Variants in RBMS3 observed in about 807,000 individuals in gnomAD.
RBMS3 encodes RNA binding motif single stranded interacting protein 3, also known as RNA-binding motif, single-stranded-interacting protein 3.
Under a neutral mutation model 66.8 loss-of-function variants are expected in RBMS3, and 27 were observed. That is an observed-to-expected ratio of 0.40 (90% confidence interval 0.30 to 0.56). The LOEUF is 0.56. RBMS3 is among the 20% of genes least tolerant of loss of function. RBMS3 has a pLI of 0.40. For missense variants in RBMS3, 513 were observed against 549.5 expected (o/e 0.93, Z 0.66); for synonymous variants, 188 against 183.0 (o/e 1.03, Z -0.22).
At chr3:29,913,762 T>C (rs2060573413) in intron 10 of RBMS3, among the ~76,000 whole-genome samples, 1 of 151,946 alleles carries the variant, frequency 6.6e-6, no homozygotes, top group Non-Finnish European at 1.5e-5. Flanking sequence ...CAATGTTGTA[T>C]ATTAAAAATC....
At chr3:29,975,936 T>A (rs1157619253) in intron 12 of RBMS3, among the ~76,000 whole-genome samples, 1 of 152,048 alleles carries the variant, frequency 6.6e-6, no homozygotes, top group Non-Finnish European at 1.5e-5. Context: ...TTAAGAGGAC[T>A]GAGTCTTCTA....
chr3:29,973,306 A>T (rs1335687462), intron 12 of RBMS3, among the ~76,000 whole-genome samples: 1 of 152,056 alleles, frequency 6.6e-6, no homozygotes, highest in Admixed American at 6.6e-5. Flanking sequence ...AAGTAGTAAC[A>T]ATACGAAAGA....
At chr3:29,913,290 A>G (rs780492407) in intron 10 of RBMS3, among the ~76,000 whole-genome samples, 1 of 152,110 alleles carries the variant, frequency 6.6e-6, no homozygotes, top group Non-Finnish European at 1.5e-5. Context: ...TAATTACTCA[A>G]TATGTTCAGC....
rs191319215 is a variant in RBMS3 at position 29,411,671 on chromosome 3, C to T, written c.76-23072C>T. The stretch of plus-strand genomic sequence containing the variant: ...TGAGCAAGATAATTACACCCTTGTC[C>T]ATAGCAGATGCTCTGTTCTTCGCTT... On this transcript the variant is annotated intron_variant, in intron 1 of 14. Transcript: ENST00000383767. 7.9e-5 allele frequency among the ~76,000 whole-genome samples: 12 copies of T among 152,290 alleles called. No homozygotes were observed. In the East Asian group the frequency reaches 2.3e-3, roughly 29 times the overall value.
intron 8 of RBMS3, 94 bp downstream of exon 8, chr3:29,884,302 T>G (rs1453361186): frequency 8.3e-7 from 1 of 1,198,940 alleles, no homozygotes; most frequent in Non-Finnish European, 1.2e-6. Flanking sequence ...GTTTTGCTTT[T>G]GTTTTACATC....
Position 29,930,618 on chromosome 3 carries a change from A to G in RBMS3, c.940-5468A>G, listed in dbSNP as rs1029536411. Among the ~76,000 whole-genome samples, 4 of 152,230 alleles carry G rather than the reference A, an allele frequency of 2.6e-5. No homozygotes were observed. The South Asian group carries it at 6.2e-4, about 24-fold the overall frequency. ...CAATAACCACTACCCCCTAGGTGCTAATAGCACACCTCGGCAGTTATGATA... is the reference window on the plus strand; with the variant it reads ...CAATAACCACTACCCCCTAGGTGCTGATAGCACACCTCGGCAGTTATGATA... On this transcript the variant is annotated intron_variant, in intron 10 of 14. Transcript: ENST00000383767.
Position 29,527,181 on chromosome 3 carries a change from T to TTAAAAA in RBMS3, c.307+38682_307+38683insTAAAAA, listed in dbSNP as rs1491567884. ...TTTCAGACGTGATTGTTAGGTAGAG[T>TTAAAAA]AAAAAAAAAAAAAAAAAAAAAAAAA... On this transcript the variant is annotated intron_variant, in intron 3 of 14. Coordinates refer to ENST00000383767, the MANE Select transcript of RBMS3 (RefSeq NM_001003793.3). Among the ~76,000 whole-genome samples the TTAAAAA allele has an allele frequency of 4.2e-4, 37 of 87,814 alleles. 3 individuals are homozygous for TTAAAAA. The highest frequency in any genetic ancestry group is 1.2e-3 in the African/African-American group (25 of 21,072). 57.6% of individuals were successfully genotyped at this position (87,814 alleles called of 152,430 possible). A position where few individuals can be genotyped will look rare whatever the true frequency, so the allele number is the denominator to read the frequency against.
intron 12 of RBMS3, among the ~76,000 whole-genome samples, chr3:29,963,013 C>T (rs1320339506): frequency 4.0e-5 from 6 of 151,560 alleles, no homozygotes; most frequent in African/African-American, 1.2e-4. Flanking sequence ...CTGTGCCCTT[C>T]ACAATTGCTT....
rs71091080 is a variant in RBMS3, at chr3:29,838,173, C to CAAAAAAAAA, written c.638-30674_638-30666dup. 3.6e-5 allele frequency among the ~76,000 whole-genome samples: 3 copies of CAAAAAAAAA among 83,062 alleles called. 1 individual carries two copies. Among genetic ancestry groups the CAAAAAAAAA allele is most frequent in the Non-Finnish European group, 6.6e-5 (3 of 45,114 alleles). 54.5% of individuals were successfully genotyped at this position (83,062 alleles called of 152,430 possible). A position where few individuals can be genotyped will look rare whatever the true frequency, so the allele number is the denominator to read the frequency against. ...GCAACATAGTGAGACCTCATCTCTA[C>CAAAAAAAAA]AAAAAAAAAAAAAAAAAAAGCCAGC... On this transcript the variant is annotated intron_variant, in intron 6 of 14. Coordinates refer to ENST00000383767, the MANE Select transcript of RBMS3 (RefSeq NM_001003793.3).
intron 6 of RBMS3, among the ~76,000 whole-genome samples, chr3:29,808,810 G>A (rs577894125): frequency 1.2e-4 from 18 of 151,934 alleles, no homozygotes; most frequent in South Asian, 2.1e-4. Context: ...TTAGAAATGC[G>A]TAGGATCTGT....
chr3:29,387,138 T>C (rs1363764062), intron 1 of RBMS3, among the ~76,000 whole-genome samples: 1 of 152,182 alleles, frequency 6.6e-6, no homozygotes, highest in Non-Finnish European at 1.5e-5. Context: ...AAGGAGCATA[T>C]ATAAATTTGC....
chr3:29,397,541 G>A (rs2039607245), intron 1 of RBMS3, among the ~76,000 whole-genome samples: 1 of 151,980 alleles, frequency 6.6e-6, no homozygotes, highest in Non-Finnish European at 1.5e-5. Flanking sequence ...TGGCTAGTTT[G>A]GAATGAGGAA....
At chr3:29,651,854 T>A (rs1197669602) in intron 4 of RBMS3, among the ~76,000 whole-genome samples, 4 of 152,194 alleles carry the variant, frequency 2.6e-5, no homozygotes, top group African/African-American at 9.6e-5. Flanking sequence ...TCATGCATCA[T>A]ATAATTTTAA....
At chr3:29,956,985 A>G (rs1156403273) in intron 12 of RBMS3, among the ~76,000 whole-genome samples, 1 of 152,102 alleles carries the variant, frequency 6.6e-6, no homozygotes, top group Non-Finnish European at 1.5e-5. Flanking sequence ...GGGTCTTTGC[A>G]TAAGTGGGAG....
rs569233011 is a variant in RBMS3 at position 29,544,494 on chromosome 3, C to T, written c.308-42620C>T. Among the ~76,000 whole-genome samples, 19 of 151,876 alleles carry T rather than the reference C, an allele frequency of 1.3e-4. No individual in the cohort carries two copies. In the South Asian group the frequency reaches 3.7e-3, roughly 30 times the overall value. ...AAGAAAAGATCACTAAGCTGAGAAT[C>T]CAAACACTTGACTTTATTGTGAAAG... On this transcript the variant is annotated intron_variant, in intron 3 of 14. Coordinates refer to ENST00000383767, the MANE Select transcript of RBMS3 (RefSeq NM_001003793.3).
chr3:29,304,513 A>AT (rs1480395073), intron 1 of RBMS3, among the ~76,000 whole-genome samples: 3 of 151,926 alleles, frequency 2.0e-5, no homozygotes, highest in Non-Finnish European at 4.4e-5. Flanking sequence ...CTGTGCCCAT[A>AT]TTGACTGACG....
At chr3:29,724,705 C>T (rs2053781718) in intron 4 of RBMS3, among the ~76,000 whole-genome samples, 1 of 152,136 alleles carries the variant, frequency 6.6e-6, no homozygotes, top group African/African-American at 2.4e-5. Flanking sequence ...TCATGCATAT[C>T]ATGTAGCTGA....
intron 8 of RBMS3, among the ~76,000 whole-genome samples, chr3:29,896,647 T>C (rs952103458): frequency 5.3e-5 from 8 of 151,604 alleles, no homozygotes; most frequent in African/African-American, 1.9e-4. Context: ...GACATTTCAC[T>C]GATTTTCACA....
chr3:29,462,695 A>G (rs1333333687), intron 2 of RBMS3, among the ~76,000 whole-genome samples: 2 of 152,206 alleles, frequency 1.3e-5, no homozygotes, highest in East Asian at 3.9e-4. Context: ...TTGATGTATG[A>G]CAAATGTATA....
Sources: allele counts gnomAD v4.1 joint callset (sites outside exome capture counted in the v4.1 genomes callset), GRCh38; gene constraint gnomAD v4.1.1; transcripts MANE v1.5; gene names NCBI Gene and HGNC (gene_info 2026-07-23, HGNC 2026-07-21).